SNRNP40: variants seen among roughly 807,000 people sequenced by gnomAD.
SNRNP40 encodes the protein U5 small nuclear ribonucleoprotein 40 kDa protein.
SNRNP40 carries 21 observed loss-of-function variants against 45.8 expected under a neutral mutation model. That is an observed-to-expected ratio of 0.46 (90% CI 0.32 to 0.66). The LOEUF (loss-of-function observed/expected upper bound fraction) is 0.66. Among genes scored for constraint, SNRNP40 ranks in the 30% least tolerant of loss-of-function variants. The probability of loss-of-function intolerance (pLI) is 0.03; values close to 1 mark genes in which losing one functional copy is unlikely to be tolerated. For missense variants in SNRNP40, 344 were observed against 439.1 expected (o/e 0.78, Z 1.94); for synonymous variants, 142 against 163.8 (o/e 0.87, Z 1.01).
chr1:31,294,118 C>T (rs776753088), intron 1 of SNRNP40, among the ~76,000 whole-genome samples: 11 of 151,904 alleles, frequency 7.2e-5, no homozygotes, highest in South Asian at 2.1e-4. Context: ...CAACCACGCC[C>T]GGCTAATTTT....
At chr1:31,284,736 A>G (rs542693853) in intron 4 of SNRNP40, among the ~76,000 whole-genome samples, 1 of 152,352 alleles carries the variant, frequency 6.6e-6, no homozygotes, top group South Asian at 2.1e-4. Flanking sequence ...GGAGAGTCTG[A>G]GTAGGATCTG....
At chr1:31,272,524 C>T (rs1381628244) in intron 5 of SNRNP40, among the ~76,000 whole-genome samples, 1 of 152,126 alleles carries the variant, frequency 6.6e-6, no homozygotes, top group Admixed American at 6.5e-5. Flanking sequence ...TTCCTTGCCA[C>T]TTAGAGTTAT....
At chr1:31,282,779 A>C (rs1646028961) in intron 4 of SNRNP40, among the ~76,000 whole-genome samples, 2 of 152,042 alleles carry the variant, frequency 1.3e-5, no homozygotes, top group South Asian at 4.1e-4. Flanking sequence ...GGGCTCAAGC[A>C]ATTCTCATGT....
chr1:31,260,257 T>C, intron 9 of SNRNP40, 136 bp from the exon 10 acceptor site: 2 of 565,404 alleles, frequency 3.5e-6, no homozygotes, highest in Non-Finnish European at 6.2e-6. Flanking sequence ...CTAAACACCA[T>C]CCACAGGAAA....
At chr1:31,280,771 T>G (rs982247156) in intron 5 of SNRNP40, among the ~76,000 whole-genome samples, 5 of 151,442 alleles carry the variant, frequency 3.3e-5, no homozygotes, top group Non-Finnish European at 7.4e-5. Flanking sequence ...GCTACTGTTT[T>G]TTTTTTTTTT....
chr1:31,266,043 A>G (rs1645893880), intron 8 of SNRNP40, among the ~76,000 whole-genome samples: 1 of 152,178 alleles, frequency 6.6e-6, no homozygotes, highest in Non-Finnish European at 1.5e-5. Flanking sequence ...TCAAATGATC[A>G]ATGTGACACT....
intron 1 of SNRNP40, 139 bp downstream of exon 1, chr1:31,296,472 G>C (rs1646160005): frequency 8.5e-7 from 1 of 1,181,012 alleles, no homozygotes; most frequent in Non-Finnish European, 1.2e-6. Context: ...AGCTTTTACA[G>C]TGTTTATGTG....
At chr1:31,265,474 T>C (rs539252686) in intron 8 of SNRNP40, among the ~76,000 whole-genome samples, 1 of 151,940 alleles carries the variant, frequency 6.6e-6, no homozygotes, top group South Asian at 2.1e-4. Flanking sequence ...AAAAAGGACA[T>C]TGCAATTCAG....
intron 3 of SNRNP40, among the ~76,000 whole-genome samples, chr1:31,291,509 T>C (rs1646107315): frequency 6.6e-6 from 1 of 152,110 alleles, no homozygotes; most frequent in Admixed American, 6.5e-5. Flanking sequence ...AGACCATGTC[T>C]CCACAAATGA....
intron 4 of SNRNP40, 136 bp downstream of exon 4, chr1:31,289,118 A>G: frequency 1.5e-6 from 1 of 672,476 alleles, no homozygotes; most frequent in Non-Finnish European, 2.5e-6. Flanking sequence ...TTAAATGGGG[A>G]AAAATTTCAA....
chr1:31,266,554 G>T (rs527429699), intron 8 of SNRNP40, among the ~76,000 whole-genome samples: 29 of 152,152 alleles, frequency 1.9e-4, no homozygotes, highest in Non-Finnish European at 3.8e-4. Context: ...TCTGACAGAA[G>T]AATTCTCTCC....
At chr1:31,262,530 AAAAAAAAAAAAAAAGAG>A (rs1175534861) in intron 8 of SNRNP40, among the ~76,000 whole-genome samples, 2 of 99,104 alleles carry the variant, frequency 2.0e-5, no homozygotes, top group East Asian at 2.2e-4. Context: ...CCAAAAAAAA[AAAAAAAAAAAAAAAGAG>A]GAGAAAAAAG....
At chr1:31,288,344 T>C (rs899534300) in intron 4 of SNRNP40, among the ~76,000 whole-genome samples, 2 of 152,200 alleles carry the variant, frequency 1.3e-5, no homozygotes, top group African/African-American at 2.4e-5. Context: ...ATGTACTGTG[T>C]CCTTGTGTGC....
At position 31,261,527 on chromosome 1, in the gene SNRNP40, A is replaced by C; in HGVS notation, c.1024+2T>G. 6.3e-7 allele frequency: 1 copy of C among 1,598,682 alleles called. No homozygotes were observed. The highest frequency in any genetic ancestry group is 2.2e-5 in the East Asian group (1 of 44,800). ...CTTTCCCCCTCGTTGGGACAGACTT[A>C]CTGATGGGCTCATCAGGGTGGAAAG... On this transcript the variant is annotated splice_donor_variant, in intron 9 of 9. Transcript: ENST00000263694. LOFTEE classifies it high-confidence loss of function.
chr1:31,288,475 T>C (rs1646077819), intron 4 of SNRNP40, among the ~76,000 whole-genome samples: 3 of 152,208 alleles, frequency 2.0e-5, no homozygotes, highest in Admixed American at 2.0e-4. Flanking sequence ...GAAGGACACA[T>C]TAAAATATCT....
At position 31,296,629 on chromosome 1, in the gene SNRNP40, C is replaced by T; in HGVS notation, c.123G>A (p.Pro41=). Residue 41 remains proline, a synonymous_variant, in exon 1 of 10, where the codon CCG becomes CCA. Transcript: ENST00000263694. ...CACTTACCGCTTGCAGCAAGGCTCC[C>T]GGCGTCGCCTGCTGCTGCCCGGCTC... The part of the protein sequence containing the change: ...GPGAGQQQAT[P]GALLQAGPPR... The T allele has an allele frequency of 6.2e-7, 1 of 1,612,066 alleles. No individual in the cohort carries two copies.
At chr1:31,282,356 C>G (rs539358211) in intron 4 of SNRNP40, 4 of 151,998 alleles carry the variant, frequency 2.6e-5, no homozygotes, top group African/African-American at 7.2e-5. Context: ...TTCCTGGGGG[C>G]AAGGAAAAAC....
chr1:31,273,632 C>T (rs957941114), intron 5 of SNRNP40, among the ~76,000 whole-genome samples: 10 of 110,858 alleles, frequency 9.0e-5, no homozygotes, highest in African/African-American at 3.2e-4. Context: ...AAGAATAAAA[C>T]TCTGTCTCAA....
At position 31,293,053 on chromosome 1, in the gene SNRNP40, A is replaced by C; in HGVS notation, c.271+166T>G. ...ATTTACCCCATGGACTCCAAGTTCT[A>C]CACCCAAGATCATTCAGCATGTTCA... On this transcript the variant is annotated intron_variant, in intron 2 of 9. Transcript: ENST00000263694. 6.0e-6 allele frequency: 4 copies of C among 671,286 alleles called. No homozygotes were observed. The Admixed American group carries it at 1.1e-4, about 19-fold the overall frequency. The allele number at this position is 671,286 out of a possible 1,614,324, so 41.6% of individuals were successfully genotyped here. A position where few individuals can be genotyped will look rare whatever the true frequency, so the allele number is the denominator to read the frequency against.
Sources: allele counts gnomAD v4.1 joint callset (sites outside exome capture counted in the v4.1 genomes callset), GRCh38; gene constraint gnomAD v4.1.1; transcripts MANE v1.5; gene names NCBI Gene and HGNC (gene_info 2026-07-23, HGNC 2026-07-21).